Variants in LARS2 observed in about 807,000 individuals in gnomAD.
LARS2 encodes the protein leucyl-tRNA synthetase 2, mitochondrial, also known as leucine--tRNA ligase, mitochondrial.
Under a neutral mutation model 116.6 loss-of-function variants are expected in LARS2, and 81 were observed. That is an observed-to-expected ratio of 0.69 (90% CI 0.58 to 0.84). LARS2 has a LOEUF of 0.84. LARS2 is among the 40% of genes least tolerant of loss of function. LARS2 has a pLI of 0.00. For missense variants in LARS2, 968 were observed against 1,114.5 expected (o/e 0.87, Z 1.87); for synonymous variants, 396 against 407.2 (o/e 0.97, Z 0.33).
chr3:45,539,252 C>G (rs1375185740), intron 20 of LARS2, among the ~76,000 whole-genome samples: 1 of 151,752 alleles, frequency 6.6e-6, no homozygotes, highest in Non-Finnish European at 1.5e-5. Flanking sequence ...ACTGATCTCA[C>G]AGGACGAAAA....
chr3:45,458,994 G>GGGCTGGGAGCCATGGATGTACA, intron 8 of LARS2, 108 bp downstream of exon 8: 1 of 1,135,964 alleles, frequency 8.8e-7, no homozygotes, highest in Non-Finnish European at 1.3e-6. Flanking sequence ...GCTCTAGGAA[G>GGGCTGGGAGCCATGGATGTACA]GGCTGGGAGC....
At chr3:45,403,809 C>T (rs895905710) in intron 4 of LARS2, among the ~76,000 whole-genome samples, 1 of 152,122 alleles carries the variant, frequency 6.6e-6, no homozygotes, top group African/African-American at 2.4e-5. Flanking sequence ...TCAGGCTAGA[C>T]CCAGAAATTG....
intron 20 of LARS2, among the ~76,000 whole-genome samples, chr3:45,535,797 A>G (rs1177946087): frequency 2.6e-5 from 4 of 152,150 alleles, no homozygotes; most frequent in South Asian, 2.1e-4. Flanking sequence ...CACATTAGTT[A>G]TTAAACTGAT....
intron 3 of LARS2, among the ~76,000 whole-genome samples, chr3:45,399,963 T>C (rs1698116072): frequency 6.6e-6 from 1 of 152,030 alleles, no homozygotes; most frequent in Non-Finnish European, 1.5e-5. Flanking sequence ...TGTTAATTCA[T>C]TCCTTTCAAA....
intron 1 of LARS2, among the ~76,000 whole-genome samples, chr3:45,389,507 C>T (rs377114824): frequency 2.6e-5 from 4 of 152,196 alleles, no homozygotes; most frequent in Admixed American, 1.3e-4. Flanking sequence ...GCCTAGAGGG[C>T]GGCCAGGGCA....
intron 19 of LARS2, among the ~76,000 whole-genome samples, chr3:45,521,558 A>G (rs535813672): frequency 6.6e-6 from 1 of 152,318 alleles, no homozygotes. Context: ...AAAAATTTAT[A>G]ACATGTCAGA....
chr3:45,538,875 T>C (rs1044857460), intron 20 of LARS2, among the ~76,000 whole-genome samples: 3 of 152,240 alleles, frequency 2.0e-5, no homozygotes, highest in Non-Finnish European at 4.4e-5. Context: ...TGCTAGCTCC[T>C]AAGTCAGCTG....
At chr3:45,403,192 TTA>T (rs1698182977) in intron 4 of LARS2, among the ~76,000 whole-genome samples, 1 of 152,106 alleles carries the variant, frequency 6.6e-6, no homozygotes, top group Non-Finnish European at 1.5e-5. Flanking sequence ...AGACAATTCT[TTA>T]TCTCACTGTG....
chr3:45,446,751 A>G (rs904707380), intron 6 of LARS2, 140 bp from the exon 7 acceptor site: 1 of 571,940 alleles, frequency 1.7e-6, no homozygotes, highest in African/African-American at 1.9e-5. Flanking sequence ...TCCTTACTTT[A>G]CAAACTGGTG....
At chr3:45,531,787 G>A (rs1404312919) in intron 20 of LARS2, among the ~76,000 whole-genome samples, 1 of 152,132 alleles carries the variant, frequency 6.6e-6, no homozygotes, top group Non-Finnish European at 1.5e-5. Context: ...TTAAACCAAG[G>A]TAATTAGCAT....
intron 10 of LARS2, among the ~76,000 whole-genome samples, chr3:45,484,754 A>G (rs2125726469): frequency 6.7e-6 from 1 of 149,620 alleles, no homozygotes; most frequent in Non-Finnish European, 1.5e-5. Context: ...TAAGTGTTTT[A>G]TTAGGGCCAC....
chr3:45,473,198 A>G (rs1168826857), intron 8 of LARS2, among the ~76,000 whole-genome samples: 1 of 152,340 alleles, frequency 6.6e-6, no homozygotes, highest in East Asian at 1.9e-4. Context: ...AGCCTACACA[A>G]TAACAAACTT....
chr3:45,545,953 C>A (rs1296928592), intron 21 of LARS2, among the ~76,000 whole-genome samples: 1 of 150,406 alleles, frequency 6.6e-6, no homozygotes, highest in Non-Finnish European at 1.5e-5. Flanking sequence ...AGAATTCTGT[C>A]CTTAAGGAAA....
chr3:45,516,054 A>T, intron 16 of LARS2, 40 bp from the exon 17 acceptor site: 1 of 1,543,046 alleles, frequency 6.5e-7, no homozygotes. Flanking sequence ...AGCAATTCAC[A>T]ATGACACATA....
At position 45,541,872 on chromosome 3, in the gene LARS2, G is replaced by T; in HGVS notation, c.2448G>T (p.Trp816Cys). ...VPRKLCAHYT[W>C]DASVLLQAWP... ...GGAAGCTCTGTGCCCACTACACTTG[G>T]GATGCCAGTGTGCTGCTCCAGGCAT... The change falls in exon 21 of 22, where the codon TGG becomes TGT. Residue 816 changes from tryptophan (W) to cysteine (C), a missense_variant. Physicochemically the swap from Trp to Cys is radical, Grantham distance 215. Transcript: ENST00000645846. 6.2e-7 allele frequency: 1 copy of T among 1,614,248 alleles called. No homozygotes were observed. Among genetic ancestry groups the T allele is most frequent in the Non-Finnish European group, 8.5e-7 (1 of 1,180,032 alleles).
At position 45,500,316 on chromosome 3, in the gene LARS2, A is replaced by C. The variant is rs879199160; in HGVS notation, c.1623-126A>C. Reference sequence around the variant, plus strand: ...CGCGCCCGGCCTTCTCTTATATTTTAAAAAAATCATTGTTATTCCCTGATA... The same window carrying C: ...CGCGCCCGGCCTTCTCTTATATTTTCAAAAAATCATTGTTATTCCCTGATA... On this transcript the variant is annotated intron_variant, in intron 14 of 21. Coordinates refer to ENST00000645846, the MANE Select transcript of LARS2 (RefSeq NM_015340.4). The C allele has an allele frequency of 6.8e-6, 7 of 1,023,312 alleles. No homozygotes were observed. In the Admixed American group the frequency reaches 2.0e-4, roughly 30 times the overall value. 63.4% of individuals were successfully genotyped at this position (1,023,312 alleles called of 1,614,324 possible).
At chr3:45,423,662 C>T (rs1698549360) in intron 6 of LARS2, among the ~76,000 whole-genome samples, 3 of 152,066 alleles carry the variant, frequency 2.0e-5, no homozygotes, top group African/African-American at 7.2e-5. Flanking sequence ...ATATTCATAG[C>T]AATTATTTAA....
At chr3:45,444,245 C>A (rs892099396) in intron 6 of LARS2, among the ~76,000 whole-genome samples, 3 of 148,248 alleles carry the variant, frequency 2.0e-5, no homozygotes, top group African/African-American at 7.4e-5. Flanking sequence ...AATCTCCTGA[C>A]CTTGTGATCC....
intron 15 of LARS2, among the ~76,000 whole-genome samples, chr3:45,505,299 C>T (rs1575299853): frequency 6.6e-6 from 1 of 152,064 alleles, no homozygotes; most frequent in East Asian, 1.9e-4. Context: ...TAGGAATACC[C>T]TGTTTCTAAA....
Sources: allele counts gnomAD v4.1 joint callset (sites outside exome capture counted in the v4.1 genomes callset), GRCh38; gene constraint gnomAD v4.1.1; transcripts MANE v1.5; gene names NCBI Gene and HGNC (gene_info 2026-07-23, HGNC 2026-07-21).